BAG4: variants seen among roughly 807,000 people sequenced by gnomAD.
BAG4 encodes BAG family molecular chaperone regulator 4.
In BAG4, 28 loss-of-function variants were observed where a neutral mutation model predicts 52.1. The observed-to-expected ratio is 0.54, with a 90% CI of 0.40 to 0.74. BAG4 has a LOEUF of 0.74. BAG4 is among the 30% of genes least tolerant of loss of function. The pLI is 0.00. For missense variants in BAG4, 525 were observed against 572.0 expected, an observed-to-expected ratio of 0.92 and a Z score of 0.84; for synonymous variants, 208 against 217.0, an observed-to-expected ratio of 0.96 and a Z score of 0.37.
chr8:38,203,561 G>C (rs1212993711), intron 2 of BAG4, among the ~76,000 whole-genome samples: 1 of 152,146 alleles, frequency 6.6e-6, no homozygotes, highest in Non-Finnish European at 1.5e-5. Context: ...CAGATTACAG[G>C]TGTGAGCCAC....
intron 2 of BAG4, among the ~76,000 whole-genome samples, chr8:38,199,471 T>G (rs1803621271): frequency 1.3e-5 from 2 of 152,224 alleles, no homozygotes; most frequent in Admixed American, 1.3e-4. Flanking sequence ...TTTTGATGTC[T>G]TATCCAAGAA....
intron 1 of BAG4, among the ~76,000 whole-genome samples, chr8:38,179,724 C>T (rs1358199313): frequency 6.6e-6 from 1 of 151,782 alleles, no homozygotes; most frequent in East Asian, 2.0e-4. Flanking sequence ...TGAGATCACA[C>T]CATTCCACTC....
At chr8:38,203,846 A>AAAT (rs1803725204) in intron 2 of BAG4, 1 of 157,840 alleles carries the variant, frequency 6.3e-6, no homozygotes, top group East Asian at 1.8e-4. Flanking sequence ...AAAAAAAAAA[A>AAAT]AAAAAAAGTC....
intron 1 of BAG4, among the ~76,000 whole-genome samples, chr8:38,188,537 A>G (rs1044487282): frequency 2.0e-5 from 3 of 151,554 alleles, no homozygotes; most frequent in African/African-American, 4.8e-5. Context: ...ACTTTTATTA[A>G]TTAAAAATTA....
At chr8:38,181,807 C>T (rs968279948) in intron 1 of BAG4, among the ~76,000 whole-genome samples, 3 of 140,590 alleles carry the variant, frequency 2.1e-5, no homozygotes, top group African/African-American at 7.9e-5. Flanking sequence ...CTGAGAATTG[C>T]TCAAACCAGG....
At chr8:38,193,370 G>T (rs551693916) in intron 2 of BAG4, among the ~76,000 whole-genome samples, 1 of 151,800 alleles carries the variant, frequency 6.6e-6, no homozygotes, top group South Asian at 2.1e-4. Flanking sequence ...AGTGAGCTGA[G>T]ATCACACCAT....
intron 2 of BAG4, among the ~76,000 whole-genome samples, chr8:38,207,112 C>G (rs1258618850): frequency 6.6e-6 from 1 of 152,028 alleles, no homozygotes; most frequent in Non-Finnish European, 1.5e-5. Flanking sequence ...GCCACCATGC[C>G]CGGTTAATTT....
intron 1 of BAG4, among the ~76,000 whole-genome samples, chr8:38,192,300 T>C (rs886389050): frequency 4.0e-4 from 61 of 152,206 alleles, no homozygotes; most frequent in African/African-American, 1.4e-3. Context: ...AATTCCTTTA[T>C]ATAGCATTTG....
At chr8:38,202,767 C>T (rs1044655410) in intron 2 of BAG4, 1 of 150,118 alleles carries the variant, frequency 6.7e-6, no homozygotes, top group African/African-American at 2.5e-5. Flanking sequence ...GTCTGGAACT[C>T]CTGACCTCAA....
chr8:38,196,922 C>T lies in BAG4; in HGVS notation c.378+4127C>T, dbSNP rs766356012. ...TGAAACCCCTTCACTACTAAAAATACAAAAATTAGCTGGGCGTGGTGGCAG... is the reference window on the plus strand; with the variant it reads ...TGAAACCCCTTCACTACTAAAAATATAAAAATTAGCTGGGCGTGGTGGCAG... On this transcript the variant is annotated intron_variant, in intron 2 of 4. Transcript: ENST00000287322. 2.9e-4 allele frequency among the ~76,000 whole-genome samples: 43 copies of T among 149,788 alleles called. No individual in the cohort carries two copies. In the South Asian group the frequency reaches 3.2e-3, roughly 11 times the overall value.
Position 38,207,581 on chromosome 8 carries a change from T to C in BAG4, c.448T>C (p.Ser150Pro), listed in dbSNP as rs763330256. 5.0e-6 allele frequency: 8 copies of C among 1,613,654 alleles called. No homozygotes were observed. In the Admixed American group the frequency reaches 8.3e-5, roughly 17 times the overall value. Residue 150 changes from serine (S) to proline (P), a missense_variant, in exon 3 of 5, where the codon TCA (serine) becomes CCA (proline). Ser to Pro is a moderately conservative substitution (Grantham distance 74). Transcript: ENST00000287322. ...YPPGPGANTA[S>P]YSGAYYAPGY... ...CCCAGGCCCTGGGGCAAATACTGCC[T>C]CATACTCAGGGGCTTATTATGCACC...
At chr8:38,180,010 AT>A (rs1300306679) in intron 1 of BAG4, among the ~76,000 whole-genome samples, 2 of 152,148 alleles carry the variant, frequency 1.3e-5, no homozygotes, top group Non-Finnish European at 2.9e-5. Context: ...AGAAGTTAAG[AT>A]TTTAGCATTG....
At position 38,209,085 on chromosome 8, in the gene BAG4, G is replaced by A. The variant is rs756741809; in HGVS notation, c.706G>A (p.Val236Ile). The stretch of plus-strand genomic sequence containing the variant: ...TAGTGTTCCACAATCAGGACCGACT[G>A]TACGACCACAAGAAGATGCGTGGGC... ...NRSVPQSGPT[V>I]RPQEDAWASP... The change falls in exon 4 of 5, where the codon GTA becomes ATA. Residue 236 changes from valine to isoleucine, a missense_variant. Val to Ile is a conservative substitution (Grantham distance 29). Transcript: ENST00000287322. The A allele has an allele frequency of 1.2e-6, 2 of 1,614,054 alleles. No homozygotes were observed. The highest frequency in any genetic ancestry group is 1.7e-6 in the Non-Finnish European group (2 of 1,180,046).
intron 1 of BAG4, among the ~76,000 whole-genome samples, chr8:38,190,557 G>C (rs1047404767): frequency 3.3e-5 from 5 of 151,032 alleles, no homozygotes; most frequent in African/African-American, 4.9e-5. Context: ...TCAGCCTCCT[G>C]AGTAGCTGGG....
At chr8:38,185,547 T>C (rs1803350660) in intron 1 of BAG4, among the ~76,000 whole-genome samples, 1 of 152,136 alleles carries the variant, frequency 6.6e-6, no homozygotes, top group Non-Finnish European at 1.5e-5. Context: ...CTAGGGAATA[T>C]AGCAAATGAA....
At chr8:38,184,230 G>A (rs754765175) in intron 1 of BAG4, among the ~76,000 whole-genome samples, 5 of 152,040 alleles carry the variant, frequency 3.3e-5, no homozygotes, top group African/African-American at 7.2e-5. Context: ...ACTTTGGGAG[G>A]CTGAGGCAGG....
Position 38,179,900 on chromosome 8 carries a change from A to G in BAG4, c.270+2761A>G, listed in dbSNP as rs904580250. 3.9e-5 allele frequency among the ~76,000 whole-genome samples: 6 copies of G among 152,286 alleles called. No homozygotes were observed. The East Asian group carries it at 1.2e-3, about 29-fold the overall frequency. ...ATCAGTTGAAGTGGGGAAAGAGGAG[A>G]GGACCTCTAAACTGATGACTGACTT... On this transcript the variant is annotated intron_variant, in intron 1 of 4. Transcript: ENST00000287322.
At chr8:38,185,756 G>C (rs1046111592) in intron 1 of BAG4, among the ~76,000 whole-genome samples, 1 of 152,096 alleles carries the variant, frequency 6.6e-6, no homozygotes, top group Non-Finnish European at 1.5e-5. Flanking sequence ...GTAGAGACAG[G>C]GTTTCACCAT....
At chr8:38,180,320 C>T (rs538876983) in intron 1 of BAG4, among the ~76,000 whole-genome samples, 19 of 151,650 alleles carry the variant, frequency 1.3e-4, no homozygotes, top group Admixed American at 2.6e-4. Flanking sequence ...GTCAGGAGTT[C>T]GAGACCAGCC....
Sources: gnomAD v4.1 joint callset for allele counts (sites outside exome capture counted in the v4.1 genomes callset) on GRCh38, gnomAD v4.1.1 for gene constraint, MANE v1.5 for transcripts, NCBI Gene and HGNC (gene_info 2026-07-23, HGNC 2026-07-21) for gene names.